Variants in CSMD1 observed in about 807,000 individuals in gnomAD.
CSMD1 encodes CUB and sushi domain-containing protein 1.
A neutral mutation model predicts 417.5 loss-of-function variants in CSMD1; 213 were observed. The ratio of observed to expected loss-of-function variants is 0.51; its 90% confidence interval spans 0.46 to 0.57. CSMD1 has a LOEUF of 0.57. Among genes scored for constraint, CSMD1 ranks in the 20% least tolerant of loss-of-function variants. CSMD1 has a pLI of 0.00. For missense variants in CSMD1, 6,923 were observed against 4,529.7 expected, an observed-to-expected ratio of 1.53 and a Z score of -15.17; for synonymous variants, 2,862 against 1,736.8, an observed-to-expected ratio of 1.65 and a Z score of -16.11.
intron 10 of CSMD1, among the ~76,000 whole-genome samples, chr8:3,510,075 G>A (rs1585277551): frequency 6.6e-6 from 1 of 152,204 alleles, no homozygotes; most frequent in Admixed American, 6.5e-5. Flanking sequence ...TAAAGAAAAT[G>A]AATTCATTAG....
At chr8:4,298,055 C>G (rs1797779682) in intron 3 of CSMD1, among the ~76,000 whole-genome samples, 1 of 152,088 alleles carries the variant, frequency 6.6e-6, no homozygotes, top group Non-Finnish European at 1.5e-5. Context: ...GCATCACTAC[C>G]AGTACATGCT....
chr8:3,993,349 T>G lies in CSMD1; in HGVS notation c.818+4554A>C, dbSNP rs1195948811. ...GAGTCTGTTACTCAGCATGTTCCTCTATAATTCTCCCTGGTTAGAAATTAA... is the reference window on the plus strand; with the variant it reads ...GAGTCTGTTACTCAGCATGTTCCTCGATAATTCTCCCTGGTTAGAAATTAA... On this transcript the variant is annotated intron_variant, in intron 5 of 69. Transcript: ENST00000635120. 2.0e-5 allele frequency among the ~76,000 whole-genome samples: 3 copies of G among 152,250 alleles called. No individual in the cohort carries two copies. The East Asian group carries it at 5.8e-4, about 29-fold the overall frequency.
intron 3 of CSMD1, among the ~76,000 whole-genome samples, chr8:4,302,453 AT>A (rs1260612286): frequency 6.6e-6 from 1 of 152,194 alleles, no homozygotes; most frequent in African/African-American, 2.4e-5. Flanking sequence ...TATCACACAT[AT>A]CGTGCAGACA....
At chr8:4,388,153 A>G (rs945820726) in intron 3 of CSMD1, among the ~76,000 whole-genome samples, 1 of 152,156 alleles carries the variant, frequency 6.6e-6, no homozygotes, top group Admixed American at 6.6e-5. Context: ...ACTTCTACCA[A>G]CAGTCCCACT....
rs1357612800 is a variant in CSMD1, at chr8:3,207,132, C to CT, written c.4868-1513dup. Among the ~76,000 whole-genome samples, 740 of 130,848 alleles carry CT rather than the reference C, an allele frequency of 5.7e-3. 7 individuals are homozygous for CT. The highest frequency in any genetic ancestry group is 0.017 in the African/African-American group (590 of 35,422). The allele number at this position is 130,848 out of a possible 152,430, so 85.8% of individuals were successfully genotyped here. A position where few individuals can be genotyped will look rare whatever the true frequency, so the allele number is the denominator to read the frequency against. ...CATTTCTTCTTGATATGGCCATTTT[C>CT]TTTTTTTTTTTTCATTTTCTTTTTT... On this transcript the variant is annotated intron_variant, in intron 30 of 69. Transcript: ENST00000635120.
At chr8:3,160,879 C>A (rs897940441) in intron 38 of CSMD1, among the ~76,000 whole-genome samples, 5 of 152,190 alleles carry the variant, frequency 3.3e-5, no homozygotes, top group Non-Finnish European at 7.3e-5. Flanking sequence ...AGCCCCTGTT[C>A]TTGCTCTTAA....
intron 3 of CSMD1, among the ~76,000 whole-genome samples, chr8:4,310,453 G>A (rs4875093): frequency 6.6e-6 from 1 of 151,980 alleles, no homozygotes; most frequent in African/African-American, 2.4e-5. Flanking sequence ...AAGTAGGAAG[G>A]ATGAACAGCA....
chr8:4,199,104 C>T (rs186641731), intron 3 of CSMD1, among the ~76,000 whole-genome samples: 31 of 152,192 alleles, frequency 2.0e-4, no homozygotes, highest in African/African-American at 6.8e-4. Flanking sequence ...TCACCCTGAG[C>T]TTCTGCTGTC....
chr8:4,032,894 G>C (rs59781509), intron 3 of CSMD1, among the ~76,000 whole-genome samples: 9,938 of 152,052 alleles, frequency 0.065, 860 homozygotes, highest in African/African-American at 0.2. Context: ...GGTGGGATGG[G>C]GCAGTCAGAC....
At chr8:2,956,588 G>A (rs1585048677) in intron 63 of CSMD1, among the ~76,000 whole-genome samples, 1 of 151,912 alleles carries the variant, frequency 6.6e-6, no homozygotes, top group African/African-American at 2.4e-5. Context: ...CCAGTAGCTG[G>A]GACTACAGGC....
intron 3 of CSMD1, among the ~76,000 whole-genome samples, chr8:4,044,493 C>T (rs1425173357): frequency 6.6e-6 from 1 of 152,190 alleles, no homozygotes; most frequent in Non-Finnish European, 1.5e-5. Flanking sequence ...GGACCAGCGA[C>T]CCCTCCAGAG....
chr8:4,319,267 A>G (rs1343261471), intron 3 of CSMD1, among the ~76,000 whole-genome samples: 4 of 152,130 alleles, frequency 2.6e-5, no homozygotes, highest in Admixed American at 6.6e-5. Flanking sequence ...CCTTCAATTT[A>G]TCTTAGTAAT....
intron 50 of CSMD1, among the ~76,000 whole-genome samples, chr8:3,033,990 C>G (rs917875220): frequency 6.6e-6 from 1 of 152,150 alleles, no homozygotes; most frequent in African/African-American, 2.4e-5. Flanking sequence ...CAGACCACCC[C>G]CTAGTCGGGC....
chr8:4,568,149 T>A (rs1187489463), intron 2 of CSMD1, among the ~76,000 whole-genome samples: 2 of 152,142 alleles, frequency 1.3e-5, no homozygotes, highest in Non-Finnish European at 2.9e-5. Flanking sequence ...TGTGTCTTTT[T>A]AAAAAAATAT....
chr8:4,584,517 C>T (rs1585287823), intron 2 of CSMD1, among the ~76,000 whole-genome samples: 1 of 152,114 alleles, frequency 6.6e-6, no homozygotes, highest in South Asian at 2.1e-4. Context: ...CTAACAACCC[C>T]CAACTCTTCG....
chr8:3,662,544 G>A lies in CSMD1; in HGVS notation c.1010-45747C>T, dbSNP rs554545517. The stretch of plus-strand genomic sequence containing the variant: ...TAGTAGAATGACTTAAAATCCTTTT[G>A]GCTATATACCCAGTAATGGGATCGC... On this transcript the variant is annotated intron_variant, in intron 7 of 69. Transcript: ENST00000635120. Among the ~76,000 whole-genome samples, 7 of 152,244 alleles carry A rather than the reference G, an allele frequency of 4.6e-5. No individual in the cohort carries two copies. The East Asian group carries it at 1.4e-3, about 29-fold the overall frequency.
intron 3 of CSMD1, among the ~76,000 whole-genome samples, chr8:4,194,094 T>C (rs758616483): frequency 5.3e-5 from 8 of 152,112 alleles, no homozygotes; most frequent in African/African-American, 7.3e-5. Context: ...CTACTGTAAA[T>C]GTTATGGTAG....
At chr8:4,775,425 G>A (rs1024569794) in intron 1 of CSMD1, among the ~76,000 whole-genome samples, 2 of 151,344 alleles carry the variant, frequency 1.3e-5, no homozygotes, top group Non-Finnish European at 3.0e-5. Context: ...CAATAAAACA[G>A]AATCTAAATA....
At position 4,215,005 on chromosome 8, in the gene CSMD1, C is replaced by G. The variant is rs558327277; in HGVS notation, c.416-182906G>C. On this transcript the variant is annotated intron_variant, in intron 3 of 69. Transcript: ENST00000635120. The stretch of plus-strand genomic sequence containing the variant: ...ACTCTGTCAGGATTACTGAGAAAGT[C>G]AAGTTCAATTCTGCCTCAGTTTTAA... Among the ~76,000 whole-genome samples, 3 of 152,262 alleles carry G rather than the reference C, an allele frequency of 2.0e-5. No homozygotes were observed. In the South Asian group the frequency reaches 6.2e-4, roughly 32 times the overall value.
Sources: allele counts gnomAD v4.1 joint callset (sites outside exome capture counted in the v4.1 genomes callset), GRCh38; gene constraint gnomAD v4.1.1; transcripts MANE v1.5; gene names NCBI Gene and HGNC (gene_info 2026-07-23, HGNC 2026-07-21).